The following TXNL4B variants were observed in gnomAD, a reference collection of about 807,000 sequenced individuals.
TXNL4B encodes thioredoxin like 4B, also known as thioredoxin-like protein 4B.
A neutral mutation model predicts 13.0 loss-of-function variants in TXNL4B; 12 were observed. That is an observed-to-expected ratio of 0.92 (90% confidence interval 0.59 to 1.49). The LOEUF (loss-of-function observed/expected upper bound fraction) is 1.49. Ranked by LOEUF, TXNL4B falls within the 40% of genes most tolerant of loss-of-function variation. The pLI is 0.00. For synonymous variants in TXNL4B, 59 were observed against 58.9 expected, an observed-to-expected ratio of 1.00 and a Z score of -0.01; for missense variants, 214 against 173.6, an observed-to-expected ratio of 1.23 and a Z score of -1.31.
intron 3 of TXNL4B, 49 bp downstream of exon 3, chr16:72,088,938 C>T (rs2041862026): frequency 1.3e-6 from 2 of 1,497,996 alleles, no homozygotes. Context: ...AAAATGCTTA[C>T]CAAGGAAACT....
intron 1 of TXNL4B, among the ~76,000 whole-genome samples, chr16:72,092,558 GAAAGGGA>G (rs2041927171): frequency 6.6e-6 from 1 of 152,236 alleles, no homozygotes; most frequent in South Asian, 2.1e-4. Flanking sequence ...AATTACCAAT[GAAAGGGA>G]AGGTCAAAGA....
rs1039714800 is a variant in TXNL4B at position 72,085,232 on chromosome 16, T to C, written c.*1405A>G. ...CCCTCCCTGCAGGAAAGGGGTGGAA[T>C]GGAGCCCCTGGCAAAGGGGGCTGGA... On this transcript the variant is annotated 3_prime_UTR_variant, in exon 4 of 4. Coordinates refer to ENST00000268483, the MANE Select transcript of TXNL4B (RefSeq NM_017853.3). 1 of 381,850 alleles carries C rather than the reference T, an allele frequency of 2.6e-6. No individual in the cohort carries two copies. Among genetic ancestry groups the C allele is most frequent in the African/African-American group, 2.1e-5 (1 of 48,238 alleles). 23.7% of individuals were successfully genotyped at this position (381,850 alleles called of 1,614,324 possible).
intron 2 of TXNL4B, 49 bp downstream of exon 2, chr16:72,090,569 G>A: frequency 3.1e-6 from 5 of 1,592,818 alleles, no homozygotes; most frequent in Middle Eastern, 1.7e-4. Flanking sequence ...GCTGAAGTGA[G>A]AATATACAGA....
intron 3 of TXNL4B, among the ~76,000 whole-genome samples, chr16:72,087,987 T>G (rs2041848292): frequency 6.6e-6 from 1 of 152,130 alleles, no homozygotes; most frequent in Non-Finnish European, 1.5e-5. Flanking sequence ...GCCCAGCTAA[T>G]TTTTTGTATT....
chr16:72,086,849 T>C, intron 3 of TXNL4B, 47 bp from the exon 4 acceptor site: 1 of 1,429,934 alleles, frequency 7.0e-7, no homozygotes, highest in Non-Finnish European at 9.4e-7. Context: ...CTTTGAGTAA[T>C]CACTTGTTGA....
chr16:72,092,237 C>T (rs1007736253), intron 1 of TXNL4B, among the ~76,000 whole-genome samples: 1 of 152,058 alleles, frequency 6.6e-6, no homozygotes, highest in Non-Finnish European at 1.5e-5. Context: ...GGTGAAACCC[C>T]GTCTCTACTA....
chr16:72,086,501 G>T lies in TXNL4B; in HGVS notation c.*136C>A. The T allele has an allele frequency of 2.7e-6, 2 of 731,948 alleles. No individual in the cohort carries two copies. The highest frequency in any genetic ancestry group is 2.7e-5 in the South Asian group (1 of 36,672). The allele number at this position is 731,948 out of a possible 1,614,324, so 45.3% of individuals were successfully genotyped here. On this transcript the variant is annotated 3_prime_UTR_variant, in exon 4 of 4. Coordinates refer to ENST00000268483, the MANE Select transcript of TXNL4B (RefSeq NM_017853.3). Reference sequence around the variant, plus strand: ...AGTGGGGTCTTTTCCTCAGGGGCCGGGTTTTCTACACGCAAGTCAAACCTC... The same window carrying T: ...AGTGGGGTCTTTTCCTCAGGGGCCGTGTTTTCTACACGCAAGTCAAACCTC...
At chr16:72,090,272 C>T (rs1339511525) in intron 2 of TXNL4B, 1 of 457,752 alleles carries the variant, frequency 2.2e-6, no homozygotes, top group Non-Finnish European at 4.3e-6. Flanking sequence ...CTTGACCTCT[C>T]TGGTTTTTTT....
intron 2 of TXNL4B, among the ~76,000 whole-genome samples, chr16:72,089,771 A>G (rs188226563): frequency 6.6e-6 from 1 of 152,214 alleles, no homozygotes; most frequent in African/African-American, 2.4e-5. Context: ...AACTGTCCTA[A>G]GTGCTTAACA....
chr16:72,088,498 T>A (rs954786164), intron 3 of TXNL4B, among the ~76,000 whole-genome samples: 1 of 152,230 alleles, frequency 6.6e-6, no homozygotes, highest in Non-Finnish European at 1.5e-5. Flanking sequence ...TAAAATTCAA[T>A]GGCGAAAAGC....
intron 3 of TXNL4B, among the ~76,000 whole-genome samples, chr16:72,087,790 G>C (rs1419647451): frequency 6.6e-6 from 1 of 152,026 alleles, no homozygotes; most frequent in Admixed American, 6.6e-5. Flanking sequence ...TCAGCCTCCT[G>C]AGTAGTTGGG....
At chr16:72,087,424 T>C (rs2041840212) in intron 3 of TXNL4B, 2 of 151,450 alleles carry the variant, frequency 1.3e-5, no homozygotes, top group Admixed American at 1.3e-4. Context: ...TCATACAAAT[T>C]ATTCAGTAAT....
At position 72,089,046 on chromosome 16, in the gene TXNL4B, G is replaced by A; in HGVS notation, c.225C>T (p.Ile75=). The A allele has an allele frequency of 1.2e-6, 2 of 1,611,618 alleles. No individual in the cohort carries two copies. Among genetic ancestry groups the A allele is most frequent in the Non-Finnish European group, 1.7e-6 (2 of 1,177,912 alleles). Residue 75 remains isoleucine (I), a synonymous_variant, in exon 3 of 4, where the codon ATC becomes ATT. Transcript: ENST00000268483. The part of the protein sequence containing the change: ...QTAVYTQYFD[I]SYIPSTVFFF... ...AAAAGACAGTAGATGGAATATAACT[G>A]ATGTCAAAATACTGTGTATAAACTG...
In TXNL4B at chr16:72,085,522, A is replaced by G. The variant is rs1012685637; in HGVS notation, c.*1115T>C. On this transcript the variant is annotated 3_prime_UTR_variant, in exon 4 of 4. Coordinates refer to ENST00000268483, the MANE Select transcript of TXNL4B (RefSeq NM_017853.3). ...CAAATCCCATATAGGTGACATTTCTATCCAACAATGCTGACATCTCTTTTA... is the reference window on the plus strand; with the variant it reads ...CAAATCCCATATAGGTGACATTTCTGTCCAACAATGCTGACATCTCTTTTA... 4 of 152,462 alleles carry G rather than the reference A, an allele frequency of 2.6e-5. No homozygotes were observed. Among genetic ancestry groups the G allele is most frequent in the African/African-American group, 9.6e-5 (4 of 41,460 alleles). The allele number at this position is 152,462 out of a possible 1,614,324, so 9.4% of individuals were successfully genotyped here. A position where few individuals can be genotyped will look rare whatever the true frequency, so the allele number is the denominator to read the frequency against.
rs915749968 is a variant in TXNL4B at position 72,090,277 on chromosome 16, T to A, written c.132+341A>T. The A allele has an allele frequency of 8.7e-6, 4 of 458,580 alleles. No individual in the cohort carries two copies. In the Admixed American group the frequency reaches 9.7e-5, roughly 11 times the overall value. The allele number at this position is 458,580 out of a possible 1,614,324, so 28.4% of individuals were successfully genotyped here. A position where few individuals can be genotyped will look rare whatever the true frequency, so the allele number is the denominator to read the frequency against. ...TGGGAAATTACTTGACCTCTCTGGT[T>A]TTTTTTTTCCTACTGGGAAATGGGG... On this transcript the variant is annotated intron_variant, in intron 2 of 3. Coordinates refer to ENST00000268483, the MANE Select transcript of TXNL4B (RefSeq NM_017853.3).
At chr16:72,092,601 T>C (rs1232285770) in intron 1 of TXNL4B, among the ~76,000 whole-genome samples, 1 of 152,042 alleles carries the variant, frequency 6.6e-6, no homozygotes, top group Non-Finnish European at 1.5e-5. Context: ...CCACTAGAAT[T>C]CAAACAAACA....
intron 1 of TXNL4B, among the ~76,000 whole-genome samples, 151 bp from the exon 2 acceptor site, chr16:72,090,937 C>T (rs1057187258): frequency 2.0e-5 from 3 of 152,202 alleles, no homozygotes; most frequent in Non-Finnish European, 4.4e-5. Context: ...CTCTCTTTGT[C>T]CCTGCTCCTT....
rs1191188191 is a variant in TXNL4B at position 72,086,562 on chromosome 16, G to A, written c.*75C>T. On this transcript the variant is annotated 3_prime_UTR_variant, in exon 4 of 4. Transcript: ENST00000268483. Reference sequence around the variant, plus strand: ...GGACACATGTTTCCAAAGGACTCCAGAAACACAGCACAGCTGGATTCAGGT... The same window carrying A: ...GGACACATGTTTCCAAAGGACTCCAAAAACACAGCACAGCTGGATTCAGGT... 3.5e-6 allele frequency: 5 copies of A among 1,430,396 alleles called. No homozygotes were observed. Among genetic ancestry groups the A allele is most frequent in the Non-Finnish European group, 4.8e-6 (5 of 1,038,108 alleles). 88.6% of individuals were successfully genotyped at this position (1,430,396 alleles called of 1,614,324 possible).
At chr16:72,090,535 C>G in intron 2 of TXNL4B, 83 bp downstream of exon 2, 7 of 1,410,172 alleles carry the variant, frequency 5.0e-6, no homozygotes, top group South Asian at 1.2e-5. Flanking sequence ...ACCCTGACTA[C>G]TCCCTCTCAT....
Sources: gnomAD v4.1 joint callset for allele counts (sites outside exome capture counted in the v4.1 genomes callset) on GRCh38, gnomAD v4.1.1 for gene constraint, MANE v1.5 for transcripts, NCBI Gene and HGNC (gene_info 2026-07-23, HGNC 2026-07-21) for gene names.